BACH2: variants seen among roughly 807,000 people sequenced by gnomAD.
BACH2 encodes transcription regulator protein BACH2.
BACH2 carries 5 observed loss-of-function variants against 61.8 expected under a neutral mutation model. That is an observed-to-expected ratio of 0.08 (90% confidence interval 0.04 to 0.17). BACH2 has a LOEUF of 0.17. Among genes scored for constraint, BACH2 ranks in the 10% least tolerant of loss-of-function variants. The pLI is 1.00. For synonymous variants in BACH2, 446 were observed against 440.1 expected (o/e 1.01, Z -0.17); for missense variants, 824 against 1,091.1 (o/e 0.76, Z 3.45).
intron 1 of BACH2, among the ~76,000 whole-genome samples, chr6:90,295,852 T>C (rs1772344616): frequency 6.6e-6 from 1 of 152,178 alleles, no homozygotes; most frequent in Admixed American, 6.5e-5. Context: ...GCTCGCCTCT[T>C]CCTGCGACCC....
intron 1 of BACH2, among the ~76,000 whole-genome samples, chr6:90,294,989 T>C (rs1268885150): frequency 2.0e-5 from 3 of 152,354 alleles, no homozygotes; most frequent in African/African-American, 4.8e-5. Context: ...CTAAAGTAAT[T>C]ACCCTTTTTA....
intron 6 of BACH2, among the ~76,000 whole-genome samples, chr6:89,988,182 A>G (rs1776345472): frequency 6.6e-6 from 1 of 152,264 alleles, no homozygotes; most frequent in Admixed American, 6.5e-5. Flanking sequence ...CATCATTCCT[A>G]TTCAACACAA....
chr6:90,113,375 T>C (rs566506493), intron 4 of BACH2, among the ~76,000 whole-genome samples: 20 of 152,040 alleles, frequency 1.3e-4, no homozygotes, highest in African/African-American at 4.8e-4. Context: ...CCTCAACAAA[T>C]GTTAAATAAC....
At chr6:90,110,282 G>T (rs1163704540) in intron 4 of BACH2, among the ~76,000 whole-genome samples, 1 of 152,182 alleles carries the variant, frequency 6.6e-6, no homozygotes, top group African/African-American at 2.4e-5. Context: ...TTTAAATGTG[G>T]AGTCTGAAAT....
chr6:90,101,888 T>C (rs1164969880), intron 4 of BACH2, among the ~76,000 whole-genome samples: 2 of 152,208 alleles, frequency 1.3e-5, no homozygotes, highest in African/African-American at 4.8e-5. Context: ...TTAAATTTAT[T>C]CCTGAATATT....
chr6:90,267,040 G>A (rs776936288), intron 2 of BACH2, among the ~76,000 whole-genome samples: 1 of 151,960 alleles, frequency 6.6e-6, no homozygotes, highest in Non-Finnish European at 1.5e-5. Context: ...AAATAGGGAC[G>A]GATTTCCTGT....
intron 4 of BACH2, 54 bp from the exon 5 acceptor site, chr6:90,089,163 T>C (rs773732748): frequency 1.3e-5 from 2 of 152,136 alleles, no homozygotes; most frequent in Non-Finnish European, 2.9e-5. Context: ...CATGTGAATG[T>C]TTCCCCCTCT....
At chr6:90,031,440 T>C (rs1448975150) in intron 5 of BACH2, among the ~76,000 whole-genome samples, 2 of 152,188 alleles carry the variant, frequency 1.3e-5, no homozygotes. Context: ...GACATGATTG[T>C]ATATCTAGAA....
At chr6:90,086,826 G>C (rs906570711) in intron 5 of BACH2, among the ~76,000 whole-genome samples, 3 of 152,332 alleles carry the variant, frequency 2.0e-5, no homozygotes, top group African/African-American at 7.2e-5. Flanking sequence ...ACTTTATGGT[G>C]AAGATGTCTC....
intron 4 of BACH2, among the ~76,000 whole-genome samples, chr6:90,203,497 T>C (rs1017716309): frequency 1.3e-5 from 2 of 151,572 alleles, no homozygotes; most frequent in Non-Finnish European, 2.9e-5. Flanking sequence ...GAAGAATGTA[T>C]GAACACTGGA....
intron 8 of BACH2, among the ~76,000 whole-genome samples, chr6:89,933,280 T>G (rs1251805631): frequency 6.6e-6 from 1 of 152,142 alleles, no homozygotes; most frequent in South Asian, 2.1e-4. Context: ...TGTATCAGGT[T>G]GCCATTTTTG....
chr6:90,021,599 A>G (rs1778380327), intron 5 of BACH2, among the ~76,000 whole-genome samples: 1 of 152,258 alleles, frequency 6.6e-6, no homozygotes, highest in Non-Finnish European at 1.5e-5. Flanking sequence ...TGCTTTTAAA[A>G]AAAGTTATTT....
intron 3 of BACH2, among the ~76,000 whole-genome samples, chr6:90,210,018 T>C (rs1441936785): frequency 6.6e-6 from 1 of 152,196 alleles, no homozygotes; most frequent in Admixed American, 6.5e-5. Context: ...AACCTCTTAA[T>C]GCCAGGGTTG....
chr6:90,093,703 A>G (rs1339888064), intron 4 of BACH2, among the ~76,000 whole-genome samples: 3 of 152,162 alleles, frequency 2.0e-5, no homozygotes, highest in Admixed American at 6.6e-5. Flanking sequence ...TAGTCCTTCA[A>G]TAGGTATTCA....
At chr6:90,100,491 C>T (rs1782566863) in intron 4 of BACH2, among the ~76,000 whole-genome samples, 1 of 151,964 alleles carries the variant, frequency 6.6e-6, no homozygotes, top group South Asian at 2.1e-4. Context: ...CAGTTGAAGG[C>T]CTTAAGAAAA....
At chr6:90,223,015 G>C (rs1202237347) in intron 3 of BACH2, among the ~76,000 whole-genome samples, 1 of 152,206 alleles carries the variant, frequency 6.6e-6, no homozygotes, top group Non-Finnish European at 1.5e-5. Context: ...TAGCCAATAG[G>C]GGAAAGACAC....
intron 4 of BACH2, among the ~76,000 whole-genome samples, chr6:90,155,244 C>G (rs1182306322): frequency 6.6e-6 from 1 of 152,136 alleles, no homozygotes; most frequent in African/African-American, 2.4e-5. Flanking sequence ...GGCTGGAAAG[C>G]CAACCAGGAG....
At chr6:90,062,793 C>A (rs1179879658) in intron 5 of BACH2, 7 of 375,530 alleles carry the variant, frequency 1.9e-5, no homozygotes, top group African/African-American at 2.2e-5. Flanking sequence ...TAGTGACCAG[C>A]AATTGACAAA....
chr6:90,008,699 C>T lies in BACH2; in HGVS notation c.146G>A (p.Arg49Gln). ...VTLIVERKEF[R>Q]AHRAVLAACS... ...TGCGGCCAGCACAGCCCGGTGGGCC[C>T]GGAACTCCTTCCTCTCCACGATCAA... The change falls in exon 6 of 9, where the codon CGG becomes CAG. Residue 49 changes from arginine (R) to glutamine (Q), a missense_variant. Arg to Gln is a conservative substitution (Grantham distance 43, BLOSUM62 1). This residue lies in a region of BACH2 where 66 missense variants were observed against 144.8 expected (regional missense o/e 0.46). Coordinates refer to ENST00000257749, the MANE Select transcript of BACH2 (RefSeq NM_021813.4). This position sits in a 1 kb window ranked among gnomAD's most constrained non-coding sequence, Gnocchi z 4.1. 1 of 1,614,184 alleles carries T rather than the reference C, an allele frequency of 6.2e-7. No individual in the cohort carries two copies. The highest frequency in any genetic ancestry group is 8.5e-7 in the Non-Finnish European group (1 of 1,180,026).
Sources: gnomAD v4.1 joint callset for allele counts (sites outside exome capture counted in the v4.1 genomes callset) on GRCh38, gnomAD v4.1.1 for gene constraint, gnomAD v4.1.1 regional missense constraint, Gnocchi (gnomAD v3.1) non-coding constraint, MANE v1.5 for transcripts, NCBI Gene and HGNC (gene_info 2026-07-23, HGNC 2026-07-21) for gene names.